C2CD3: variants seen among roughly 807,000 people sequenced by gnomAD.
C2CD3 encodes the protein C2 domain-containing protein 3.
C2CD3 carries 148 observed loss-of-function variants against 234.0 expected under a neutral mutation model. The ratio of observed to expected loss-of-function variants is 0.63; its 90% confidence interval spans 0.55 to 0.72. The LOEUF (loss-of-function observed/expected upper bound fraction) is 0.72, where lower values mean the gene tolerates loss of function less well. Ranked by LOEUF, C2CD3 falls within the 30% of genes least tolerant of loss-of-function variation. The pLI is 0.00. For missense variants in C2CD3, 2,577 were observed against 2,811.5 expected (o/e 0.92, Z 1.89); for synonymous variants, 1,000 against 1,035.4 (o/e 0.97, Z 0.66).
intron 20 of C2CD3, among the ~76,000 whole-genome samples, chr11:74,089,772 T>C (rs1955805790): frequency 1.3e-5 from 2 of 152,144 alleles, no homozygotes; most frequent in South Asian, 4.1e-4. Context: ...GGGAGAAAAA[T>C]GCATGTATGC....
chr11:74,145,724 A>G (rs1223301752), intron 3 of C2CD3, among the ~76,000 whole-genome samples: 3 of 152,074 alleles, frequency 2.0e-5, no homozygotes, highest in African/African-American at 7.2e-5. Context: ...ATTTTTGTAT[A>G]TGGTGTAAGT....
chr11:74,150,511 A>AC (rs1855543696), intron 3 of C2CD3, among the ~76,000 whole-genome samples: 4 of 74,824 alleles, frequency 5.3e-5, no homozygotes, highest in East Asian at 3.8e-4. Context: ...AAAAAAAAAA[A>AC]AAAACAAAAA....
intron 5 of C2CD3, among the ~76,000 whole-genome samples, chr11:74,137,548 T>C (rs1957906858): frequency 6.7e-6 from 1 of 150,194 alleles, no homozygotes; most frequent in South Asian, 2.1e-4. Context: ...TATATATATA[T>C]ATACTTTTTT....
Position 74,033,767 on chromosome 11 carries a change from G to A in C2CD3, c.6393C>T (p.Ser2131=). ...GGGGGTTGACAGCCCTTTCTGGGCT[G>A]GAGAGAAAGCTACTTTTGACCATAA... is the stretch of plus-strand genomic sequence containing the variant. The part of the protein sequence containing the change: ...EELMVKSSFL[S]SPERAVNPHL... Residue 2131 remains serine (S), a synonymous_variant, in exon 31 of 33, where the codon TCC becomes TCT. Coordinates refer to ENST00000334126, the MANE Select transcript of C2CD3 (RefSeq NM_001286577.2). 1 of 1,536,334 alleles carries A rather than the reference G, an allele frequency of 6.5e-7. No homozygotes were observed. Among genetic ancestry groups the A allele is most frequent in the Non-Finnish European group, 8.7e-7 (1 of 1,146,948 alleles).
In C2CD3 at chr11:74,127,791, G is replaced by A. The variant is rs115352454; in HGVS notation, c.1218-4656C>T. On this transcript the variant is annotated intron_variant, in intron 7 of 32. Transcript: ENST00000334126. ...AATGCATAGACTATTTGACTTTAGT[G>A]GGTGTGAAGTAGTATCTCATTGTCT... 4.2e-3 allele frequency among the ~76,000 whole-genome samples: 646 copies of A among 152,164 alleles called. 4 individuals carry two copies. Among genetic ancestry groups the A allele is most frequent in the African/African-American group, 0.015 (622 of 41,552 alleles).
Position 74,078,188 on chromosome 11 carries a change from G to A in C2CD3, c.4530C>T (p.Asp1510=), listed in dbSNP as rs1007159030. The A allele has an allele frequency of 1.9e-6, 3 of 1,614,036 alleles. No homozygotes were observed. The highest frequency in any genetic ancestry group is 3.3e-5 in the Admixed American group (2 of 59,998). The change falls in exon 23 of 33, where the codon GAC becomes GAT. Residue 1510 remains aspartate, a synonymous_variant. Coordinates refer to ENST00000334126, the MANE Select transcript of C2CD3 (RefSeq NM_001286577.2). ...NDSVERPHQT[D]SWIGSAYVDL... ...CCACATAGGCTGAGCCAATCCAGCT[G>A]TCTGTCTGATGGGGTCTCTCCACAC...
intron 5 of C2CD3, among the ~76,000 whole-genome samples, chr11:74,137,784 C>G (rs1480994919): frequency 6.6e-6 from 1 of 151,952 alleles, no homozygotes; most frequent in East Asian, 1.9e-4. Context: ...CAGGGTTTCA[C>G]CATGTTGGCC....
chr11:74,120,303 G>A (rs903722846), intron 8 of C2CD3, among the ~76,000 whole-genome samples: 7 of 152,006 alleles, frequency 4.6e-5, no homozygotes, highest in Non-Finnish European at 8.8e-5. Flanking sequence ...ACAGGCCCTG[G>A]TGTGTGATGT....
rs539439966 is a variant in C2CD3 at position 74,106,362 on chromosome 11, T to A, written c.2085+9A>T. On this transcript the variant is annotated intron_variant, in intron 13 of 32. Transcript: ENST00000334126. ...ATACTTCTGACTTCCTGAATGTATA[T>A]CTACATACCTTGAGGGGGCCAAATG... The A allele has an allele frequency of 2.0e-5, 32 of 1,613,478 alleles. No homozygotes were observed. The East Asian group carries it at 5.3e-4, about 27-fold the overall frequency.
intron 1 of C2CD3, 83 bp downstream of exon 1, chr11:74,170,655 C>G (rs1358289401): frequency 2.0e-6 from 3 of 1,494,922 alleles, no homozygotes; most frequent in Non-Finnish European, 2.8e-6. Context: ...CTTGTTTATC[C>G]AGCGGGGGTG....
intron 4 of C2CD3, among the ~76,000 whole-genome samples, 169 bp downstream of exon 4, chr11:74,139,436 G>C (rs1223472760): frequency 6.6e-6 from 1 of 152,144 alleles, no homozygotes; most frequent in Non-Finnish European, 1.5e-5. Flanking sequence ...TCTAGGCCCA[G>C]CACCTAGTAT....
rs959588426 is a variant in C2CD3, at chr11:74,138,714, A to G, written c.955+6T>C. On this transcript the variant is annotated splice_donor_region_variant and intron_variant, in intron 5 of 32. Transcript: ENST00000334126. ...AGTCTGACTCAGTTCACAAATACATACATACCTGAAAGAAGATCCTTGGTA... is the reference window on the plus strand; with the variant it reads ...AGTCTGACTCAGTTCACAAATACATGCATACCTGAAAGAAGATCCTTGGTA... 6.2e-7 allele frequency: 1 copy of G among 1,610,616 alleles called. No individual in the cohort carries two copies. The highest frequency in any genetic ancestry group is 8.5e-7 in the Non-Finnish European group (1 of 1,176,924).
intron 6 of C2CD3, 135 bp from the exon 7 acceptor site, chr11:74,133,107 CT>C: frequency 1.2e-6 from 1 of 813,932 alleles, no homozygotes; most frequent in Non-Finnish European, 2.0e-6. Context: ...TTAAATAAAA[CT>C]TTACACTTTG....
At chr11:74,019,704 T>G (rs1685336) in intron 32 of C2CD3, among the ~76,000 whole-genome samples, 4,023 of 149,716 alleles carry the variant, frequency 0.027, 189 homozygotes, top group African/African-American at 0.097. Flanking sequence ...TCAGACACAG[T>G]TTCACTCTGT....
chr11:74,170,173 C>A lies in C2CD3; in HGVS notation c.55+565G>T, dbSNP rs532994495. ...CTTCAGGAGATCGTCATGCCCTTAC[C>A]CCCACTCCAATCCTATCACACCTGT... On this transcript the variant is annotated intron_variant, in intron 1 of 32. Transcript: ENST00000334126. Among the ~76,000 whole-genome samples the A allele has an allele frequency of 1.2e-4, 18 of 152,236 alleles. No homozygotes were observed. The South Asian group carries it at 3.1e-3, about 26-fold the overall frequency.
chr11:74,018,486 T>G (rs117503345), intron 32 of C2CD3, among the ~76,000 whole-genome samples: 2 of 152,114 alleles, frequency 1.3e-5, no homozygotes, highest in Admixed American at 6.5e-5. Flanking sequence ...TTAAGTGACA[T>G]AAACATTGAC....
At position 74,092,470 on chromosome 11, in the gene C2CD3, G is replaced by A. The variant is rs767150991; in HGVS notation, c.3463C>T (p.Leu1155Phe). 1 of 1,613,828 alleles carries A rather than the reference G, an allele frequency of 6.2e-7. No individual in the cohort carries two copies. The highest frequency in any genetic ancestry group is 1.1e-5 in the South Asian group (1 of 91,078). ...TTCTCAATCCTGGGGGTTAAAGGGA[G>A]ATTAAAGGTCTGTATTCCCACATCC... ...REDVGIQTFN[L>F]PLTPRIENRK... Residue 1155 changes from leucine (L) to phenylalanine (F), a missense_variant, in exon 19 of 33, where the codon CTC becomes TTC. Transcript: ENST00000334126.
intron 13 of C2CD3, among the ~76,000 whole-genome samples, chr11:74,104,368 C>T (rs1956432112): frequency 1.3e-5 from 2 of 152,240 alleles, no homozygotes; most frequent in South Asian, 2.1e-4. Flanking sequence ...CAATGCTATG[C>T]TGACTTTTGT....
intron 7 of C2CD3, chr11:74,129,593 G>GGGT (rs1565327378): frequency 7.9e-5 from 14 of 177,128 alleles, no homozygotes; most frequent in African/African-American, 3.7e-4. Flanking sequence ...TTTCCAGACT[G>GGGT]GGCAGCCAGG....
Sources: gnomAD v4.1 joint callset for allele counts (sites outside exome capture counted in the v4.1 genomes callset) on GRCh38, gnomAD v4.1.1 for gene constraint, MANE v1.5 for transcripts, NCBI Gene and HGNC (gene_info 2026-07-23, HGNC 2026-07-21) for gene names.